EPB41: variants seen among roughly 807,000 people sequenced by gnomAD.
The protein encoded by EPB41 is erythrocyte membrane protein band 4.1.
Under a neutral mutation model 108.0 loss-of-function variants are expected in EPB41, and 65 were observed. That is an observed-to-expected ratio of 0.60 (90% CI 0.49 to 0.74). The LOEUF is 0.74. EPB41 is among the 30% of genes least tolerant of loss of function. The probability of loss-of-function intolerance (pLI) is 0.00; values close to 1 mark genes in which losing one functional copy is unlikely to be tolerated. For missense variants in EPB41, 875 were observed against 1,037.0 expected, an observed-to-expected ratio of 0.84 and a Z score of 2.15; for synonymous variants, 336 against 358.9, an observed-to-expected ratio of 0.94 and a Z score of 0.72.
intron 12 of EPB41, among the ~76,000 whole-genome samples, chr1:29,055,318 G>A (rs1040418879): frequency 1.3e-5 from 2 of 152,112 alleles, no homozygotes; most frequent in African/African-American, 2.4e-5. Flanking sequence ...TGGATTACTG[G>A]AATTGTCAGG....
In EPB41 at chr1:28,982,497, G is replaced by A. The variant is rs555817357; in HGVS notation, c.-7-4934G>A. 1,586 of 866,840 alleles carry A rather than the reference G, an allele frequency of 1.8e-3. 39 individuals are homozygous for A. The South Asian group carries it at 0.02, about 11-fold the overall frequency. The allele number at this position is 866,840 out of a possible 1,614,324, so 53.7% of individuals were successfully genotyped here. On this transcript the variant is annotated intron_variant, in intron 1 of 20. Coordinates refer to ENST00000343067, the MANE Select transcript of EPB41 (RefSeq NM_001376013.1). ...CAATTCCAGACACCAGAGCATGGCTGTAGGGGCAATCTGAGGTGCTATCAT... is the reference window on the plus strand; with the variant it reads ...CAATTCCAGACACCAGAGCATGGCTATAGGGGCAATCTGAGGTGCTATCAT...
intron 16 of EPB41, among the ~76,000 whole-genome samples, chr1:29,083,263 A>G (rs1361643666): frequency 6.6e-6 from 1 of 152,168 alleles, no homozygotes; most frequent in Non-Finnish European, 1.5e-5. Flanking sequence ...ATGTCACACT[A>G]GAAAGGAAAG....
At chr1:29,058,516 AT>A in intron 12 of EPB41, 72 bp from the exon 13 acceptor site, 1 of 1,341,654 alleles carries the variant, frequency 7.5e-7, no homozygotes, top group East Asian at 2.4e-5. Context: ...GATGCAGCTT[AT>A]TTGGAAACAA....
At chr1:29,025,333 A>C (rs1424059444) in intron 7 of EPB41, among the ~76,000 whole-genome samples, 1 of 152,044 alleles carries the variant, frequency 6.6e-6, no homozygotes, top group African/African-American at 2.4e-5. Flanking sequence ...ACTTGCTTGA[A>C]ATAAATGCAG....
intron 16 of EPB41, among the ~76,000 whole-genome samples, chr1:29,066,418 CA>C (rs1056646606): frequency 1.4e-5 from 2 of 145,784 alleles, no homozygotes; most frequent in Non-Finnish European, 1.5e-5. Context: ...GACTCCGTCT[CA>C]AAAAAAAAGA....
chr1:28,902,812 T>G (rs1404923699), intron 1 of EPB41, among the ~76,000 whole-genome samples: 3 of 152,234 alleles, frequency 2.0e-5, no homozygotes, highest in African/African-American at 7.2e-5. Flanking sequence ...GTGTAGCTAC[T>G]GACTTGCTGT....
At chr1:28,921,961 T>TATATATATATATATATACACAC (rs770764638) in intron 1 of EPB41, among the ~76,000 whole-genome samples, 1 of 109,922 alleles carries the variant, frequency 9.1e-6, no homozygotes, top group African/African-American at 3.5e-5. Context: ...TATATATATA[T>TATATATATATATATATACACAC]ACACTTTTTT....
At chr1:28,934,567 T>C (rs1407739304) in intron 1 of EPB41, among the ~76,000 whole-genome samples, 1 of 152,138 alleles carries the variant, frequency 6.6e-6, no homozygotes, top group Non-Finnish European at 1.5e-5. Context: ...TTTTACACTT[T>C]GGGTTTTAAT....
At chr1:29,094,314 T>C (rs771010788) in intron 16 of EPB41, among the ~76,000 whole-genome samples, 1 of 152,176 alleles carries the variant, frequency 6.6e-6, no homozygotes, top group Non-Finnish European at 1.5e-5. Context: ...TCTCATTCTA[T>C]CACCCAGGCT....
chr1:28,955,296 CAAGT>C (rs953409405), intron 1 of EPB41, among the ~76,000 whole-genome samples: 4 of 151,982 alleles, frequency 2.6e-5, no homozygotes, highest in Non-Finnish European at 5.9e-5. Flanking sequence ...AAATGTTTAA[CAAGT>C]AAGTTCTTGG....
intron 11 of EPB41, among the ~76,000 whole-genome samples, chr1:29,051,444 A>T (rs970006460): frequency 1.3e-5 from 2 of 152,050 alleles, no homozygotes; most frequent in African/African-American, 2.4e-5. Flanking sequence ...TTGGGAATTT[A>T]AAGTTTTTAT....
At chr1:29,055,579 C>T (rs552283975) in intron 12 of EPB41, among the ~76,000 whole-genome samples, 14 of 151,906 alleles carry the variant, frequency 9.2e-5, no homozygotes, top group Middle Eastern at 3.4e-3. Context: ...TGAAGGCCAC[C>T]TCTGATAACT....
chr1:29,056,276 AAC>A (rs1645432511), intron 12 of EPB41, among the ~76,000 whole-genome samples: 1 of 151,962 alleles, frequency 6.6e-6, no homozygotes, highest in South Asian at 2.1e-4. Context: ...AACAAAACAA[AAC>A]AAAAAAAAAA....
intron 1 of EPB41, among the ~76,000 whole-genome samples, chr1:28,929,951 G>A (rs919832339): frequency 6.8e-6 from 1 of 146,574 alleles, no homozygotes. Flanking sequence ...GTGTGTTTAT[G>A]GGGTTGTGCA....
intron 16 of EPB41, chr1:29,096,409 T>C (rs1322863949): frequency 1.0e-6 from 1 of 985,854 alleles, no homozygotes; most frequent in Non-Finnish European, 1.2e-6. Flanking sequence ...CTGGGGGATG[T>C]ATAGGAGTGG....
At chr1:28,935,177 T>C (rs374691418) in intron 1 of EPB41, among the ~76,000 whole-genome samples, 3 of 151,920 alleles carry the variant, frequency 2.0e-5, no homozygotes, top group East Asian at 1.9e-4. Flanking sequence ...GCACCTGTAA[T>C]CCAAGCACTT....
intron 1 of EPB41, among the ~76,000 whole-genome samples, chr1:28,973,124 T>C (rs539251605): frequency 1.3e-5 from 2 of 152,316 alleles, no homozygotes; most frequent in South Asian, 4.1e-4. Flanking sequence ...AGCTGTTTTC[T>C]AGCATAGTTT....
At chr1:29,093,563 A>C (rs1390787148) in intron 16 of EPB41, among the ~76,000 whole-genome samples, 1 of 152,112 alleles carries the variant, frequency 6.6e-6, no homozygotes, top group East Asian at 1.9e-4. Flanking sequence ...CCCATTTGTC[A>C]ATTTTTGCTT....
chr1:28,995,675 A>G (rs895759245), intron 3 of EPB41, among the ~76,000 whole-genome samples: 14 of 152,242 alleles, frequency 9.2e-5, no homozygotes, highest in Admixed American at 9.2e-4. Flanking sequence ...CAGCACCCAC[A>G]TGATCAGACA....
Sources: allele counts gnomAD v4.1 joint callset (sites outside exome capture counted in the v4.1 genomes callset), GRCh38; gene constraint gnomAD v4.1.1; transcripts MANE v1.5; gene names NCBI Gene and HGNC (gene_info 2026-07-23, HGNC 2026-07-21).